GFOD2: variants seen among roughly 807,000 people sequenced by gnomAD.
GFOD2 encodes the protein glucose-fructose oxidoreductase domain-containing protein 2.
A neutral mutation model predicts 24.6 loss-of-function variants in GFOD2; 9 were observed. The ratio of observed to expected loss-of-function variants is 0.37; its 90% CI spans 0.22 to 0.64. The LOEUF (loss-of-function observed/expected upper bound fraction) is 0.64, where lower values mean the gene tolerates loss of function less well. GFOD2 is among the 30% of genes least tolerant of loss of function. GFOD2 has a pLI of 0.65. For missense variants in GFOD2, 476 were observed against 532.5 expected, an observed-to-expected ratio of 0.89 and a Z score of 1.04; for synonymous variants, 211 against 224.8, an observed-to-expected ratio of 0.94 and a Z score of 0.55.
intron 1 of GFOD2, among the ~76,000 whole-genome samples, chr16:67,711,375 A>C (rs1395907132): frequency 1.3e-5 from 2 of 151,612 alleles, no homozygotes; most frequent in Non-Finnish European, 1.5e-5. Flanking sequence ...ATTTCTTCTG[A>C]TTTTCCTCTT....
chr16:67,685,478 G>T lies in GFOD2; in HGVS notation c.238C>A (p.Gln80Lys), dbSNP rs892810423. ...CISIPPPLTR[Q>K]ISVKALGIGK... The stretch of plus-strand genomic sequence containing the variant: ...GTACCTAGAGCCTTCACGGATATCT[G>T]CCGGGTGAGTGGAGGGGGGATGCTG... The change falls in exon 2 of 3, where the codon CAG becomes AAG. Residue 80 changes from glutamine to lysine, a missense_variant. By Grantham distance (53) the Gln-to-Lys change is moderately conservative. Coordinates refer to ENST00000268797, the MANE Select transcript of GFOD2 (RefSeq NM_030819.4). 19 of 1,614,062 alleles carry T rather than the reference G, an allele frequency of 1.2e-5. No individual in the cohort carries two copies. Among genetic ancestry groups the T allele is most frequent in the Non-Finnish European group, 1.6e-5 (19 of 1,180,044 alleles).
chr16:67,718,797 T>TCC (rs1292474019), intron 1 of GFOD2, among the ~76,000 whole-genome samples: 4 of 152,134 alleles, frequency 2.6e-5, no homozygotes, highest in African/African-American at 9.7e-5. Flanking sequence ...ACCTCACACA[T>TCC]CCTCATCCAC....
intron 1 of GFOD2, among the ~76,000 whole-genome samples, chr16:67,717,790 C>A (rs1567664119): frequency 6.6e-6 from 1 of 151,040 alleles, no homozygotes; most frequent in African/African-American, 2.5e-5. Context: ...GACTCCGTCT[C>A]GATAGATAGA....
chr16:67,697,301 A>G (rs78563448), intron 1 of GFOD2, among the ~76,000 whole-genome samples: 4,525 of 152,306 alleles, frequency 0.03, 102 homozygotes, highest in Middle Eastern at 0.16. Context: ...GAATACTTAT[A>G]ATTGGGCCTG....
chr16:67,715,524 A>G (rs2053500573), intron 1 of GFOD2, among the ~76,000 whole-genome samples: 1 of 151,590 alleles, frequency 6.6e-6, no homozygotes, highest in Non-Finnish European at 1.5e-5. Context: ...TTTTCTCAGT[A>G]TCTCCTACCA....
intron 1 of GFOD2, among the ~76,000 whole-genome samples, chr16:67,707,840 G>A (rs868339496): frequency 2.6e-5 from 4 of 152,024 alleles, no homozygotes; most frequent in Non-Finnish European, 4.4e-5. Context: ...GAACCACCTC[G>A]CCTAGCCTGT....
rs780315163 is a variant in GFOD2, at chr16:67,675,799, C to T, written c.514G>A (p.Gly172Ser). 1.1e-5 allele frequency: 17 copies of T among 1,614,038 alleles called. No individual in the cohort carries two copies. Among genetic ancestry groups the T allele is most frequent in the East Asian group, 6.7e-5 (3 of 44,896 alleles). The stretch of plus-strand genomic sequence containing the variant: ...GTCCCCATGGTGTGCAAGCCCCCGC[C>T]GCCCATGAGCTCATCACAGATCCAG... ...YGWICDELMG[G>S]GGLHTMGTYI... The change falls in exon 3 of 3, where the codon GGC becomes AGC. Residue 172 changes from glycine (G) to serine (S), a missense_variant. Transcript: ENST00000268797.
intron 2 of GFOD2, chr16:67,684,152 C>T (rs1390037053): frequency 6.5e-6 from 1 of 152,898 alleles, no homozygotes; most frequent in Non-Finnish European, 1.5e-5. Flanking sequence ...GCAGGTGGAT[C>T]ACCTGAGGTC....
chr16:67,691,696 A>G (rs2053315744), intron 1 of GFOD2, among the ~76,000 whole-genome samples: 1 of 152,072 alleles, frequency 6.6e-6, no homozygotes. Context: ...TACTTGCAAT[A>G]GGAACTAAAC....
At chr16:67,697,118 C>A (rs2053364849) in intron 1 of GFOD2, among the ~76,000 whole-genome samples, 1 of 152,196 alleles carries the variant, frequency 6.6e-6, no homozygotes, top group Admixed American at 6.5e-5. Context: ...GCAGGACAGG[C>A]TATATACAAT....
At chr16:67,719,025 G>A (rs1249319262) in intron 1 of GFOD2, 138 bp downstream of exon 1, 1 of 152,224 alleles carries the variant, frequency 6.6e-6, no homozygotes, top group Non-Finnish European at 1.5e-5. Flanking sequence ...GTTGGAACAA[G>A]CCCCCTCCAA....
chr16:67,702,585 A>G (rs1026265836), intron 1 of GFOD2, among the ~76,000 whole-genome samples: 1 of 148,122 alleles, frequency 6.8e-6, no homozygotes, highest in Non-Finnish European at 1.5e-5. Flanking sequence ...TCATGAAGGT[A>G]GCCAGGATTT....
intron 2 of GFOD2, chr16:67,677,564 C>G (rs2053192719): frequency 6.6e-6 from 1 of 152,274 alleles, no homozygotes; most frequent in South Asian, 2.1e-4. Flanking sequence ...GGTTGCTCAT[C>G]CTGCTCTAGC....
intron 2 of GFOD2, chr16:67,680,884 CCTG>C: frequency 1.0e-6 from 1 of 985,402 alleles, no homozygotes. Flanking sequence ...ACTTCAATCT[CCTG>C]CTCTTCTTTA....
At chr16:67,707,590 C>T (rs1351404151) in intron 1 of GFOD2, among the ~76,000 whole-genome samples, 1 of 151,958 alleles carries the variant, frequency 6.6e-6, no homozygotes, top group Non-Finnish European at 1.5e-5. Flanking sequence ...TTCACAGCAG[C>T]CTTATTCATA....
chr16:67,689,931 G>A (rs542167570), intron 1 of GFOD2, among the ~76,000 whole-genome samples: 5 of 152,206 alleles, frequency 3.3e-5, no homozygotes, highest in African/African-American at 4.8e-5. Context: ...GAAATCATGC[G>A]TTATTTGTGC....
chr16:67,677,855 T>C (rs1252602346), intron 2 of GFOD2: 1 of 152,254 alleles, frequency 6.6e-6, no homozygotes, highest in Admixed American at 6.5e-5. Context: ...CCACAGGTAC[T>C]TCCTGGTTGG....
At chr16:67,678,376 T>C (rs1316774548) in intron 2 of GFOD2, among the ~76,000 whole-genome samples, 1 of 149,152 alleles carries the variant, frequency 6.7e-6, no homozygotes, top group African/African-American at 2.5e-5. Context: ...CTCGGGAGGC[T>C]GAGGCAGGAA....
Position 67,675,154 on chromosome 16 carries a change from C to T in GFOD2, c.*1G>A. The stretch of plus-strand genomic sequence containing the variant: ...CTGTGGCAAGGAGCCCAGGTGCAGG[C>T]TCATAGGTTGTTCCGCTGAAGTGCC... On this transcript the variant is annotated 3_prime_UTR_variant, in exon 3 of 3. Transcript: ENST00000268797. 1 of 1,608,682 alleles carries T rather than the reference C, an allele frequency of 6.2e-7. No homozygotes were observed. Among genetic ancestry groups the T allele is most frequent in the South Asian group, 1.1e-5 (1 of 90,080 alleles).
Sources: allele counts gnomAD v4.1 joint callset (sites outside exome capture counted in the v4.1 genomes callset), GRCh38; gene constraint gnomAD v4.1.1; transcripts MANE v1.5; gene names NCBI Gene and HGNC (gene_info 2026-07-23, HGNC 2026-07-21).